Variants in YIPF6 observed in about 807,000 individuals in gnomAD.
YIPF6 encodes the protein Yip1 domain family member 6, also known as protein YIPF6.
YIPF6 carries 3 observed loss-of-function variants against 16.8 expected under a neutral mutation model. The ratio of observed to expected loss-of-function variants is 0.18; its 90% CI spans 0.08 to 0.46. The LOEUF (loss-of-function observed/expected upper bound fraction) is 0.46, where lower values mean the gene tolerates loss of function less well. Ranked by LOEUF, YIPF6 falls within the 20% of genes least tolerant of loss-of-function variation. YIPF6 has a pLI of 0.98. For missense variants in YIPF6, 145 were observed against 184.9 expected (o/e 0.78, Z 1.25); for synonymous variants, 67 against 61.9 (o/e 1.08, Z -0.38).
chrX:68,511,446 A>G (rs1335097236), intron 1 of YIPF6, among the ~76,000 whole-genome samples: 1 of 111,909 alleles, frequency 8.9e-6, no homozygotes, highest in Admixed American at 9.5e-5. Context: ...TGTAATGCTC[A>G]TTTTTAGCCA....
chrX:68,532,010 G>A lies in YIPF6; in HGVS notation c.*11G>A. The A allele has an allele frequency of 1.7e-6, 2 of 1,143,033 alleles. No homozygotes were observed. The highest frequency in any genetic ancestry group is 2.4e-6 in the Non-Finnish European group (2 of 837,557). The allele number at this position is 1,143,033 out of a possible 1,213,427, so 94.2% of individuals were successfully genotyped here. A position where few individuals can be genotyped will look rare whatever the true frequency, so the allele number is the denominator to read the frequency against. ...TTTACTCCTCAGTAAATCAGGAATG[G>A]GAAATTAAAAACCAGTGAATTGAAA... On this transcript the variant is annotated 3_prime_UTR_variant, in exon 7 of 7. Transcript: ENST00000462683.
chrX:68,518,433 G>T (rs2079112765), intron 3 of YIPF6, among the ~76,000 whole-genome samples: 1 of 111,688 alleles, frequency 9.0e-6, no homozygotes, highest in Non-Finnish European at 1.9e-5. Context: ...AAGTGCCTTG[G>T]CTATAGTCTT....
At position 68,522,743 on chromosome X, in the gene YIPF6, T is replaced by G; in HGVS notation, c.435-17T>G. ...CAGTTGTATTTATGATCTTTATTAA[T>G]GTATTTTGTTTTTAAGATCTTTTTT... On this transcript the variant is annotated splice_polypyrimidine_tract_variant and intron_variant, in intron 5 of 6. Transcript: ENST00000462683. 1.7e-6 allele frequency: 2 copies of G among 1,186,042 alleles called. No homozygotes were observed. Among genetic ancestry groups the G allele is most frequent in the Non-Finnish European group, 2.3e-6 (2 of 882,615 alleles).
At chrX:68,507,615 T>G in intron 1 of YIPF6, among the ~76,000 whole-genome samples, 1 of 109,068 alleles carries the variant, frequency 9.2e-6, no homozygotes. Flanking sequence ...ATTTTTTTTT[T>G]TTTTTGAGAT....
chrX:68,505,718 T>C (rs1370956664), intron 1 of YIPF6, among the ~76,000 whole-genome samples: 3 of 112,270 alleles, frequency 2.7e-5, no homozygotes, highest in African/African-American at 9.7e-5. Flanking sequence ...GAACCTCATA[T>C]ACCTATCAAC....
intron 1 of YIPF6, among the ~76,000 whole-genome samples, chrX:68,503,178 T>A (rs1467808376): frequency 1.8e-5 from 2 of 112,142 alleles, no homozygotes; most frequent in East Asian, 5.6e-4. Context: ...CTCTTTGAGC[T>A]GATTCCTGCT....
Position 68,522,794 on chromosome X carries a change from T to C in YIPF6, c.469T>C (p.Cys157Arg). ...FFQSLCVLGY[C>R]ILPLTVAMLI... Reference sequence around the variant, plus strand: ...TCAGAGCCTCTGTGTGCTGGGTTACTGTATACTTCCCTTGACAGTAGCAAT... The same window carrying C: ...TCAGAGCCTCTGTGTGCTGGGTTACCGTATACTTCCCTTGACAGTAGCAAT... The change falls in exon 6 of 7, where the codon TGT becomes CGT. Residue 157 changes from cysteine to arginine, a missense_variant. Cys to Arg is a radical substitution (Grantham distance 180). Coordinates refer to ENST00000462683, the MANE Select transcript of YIPF6 (RefSeq NM_173834.4). 1.7e-6 allele frequency: 2 copies of C among 1,210,084 alleles called. No homozygotes were observed. Among genetic ancestry groups the C allele is most frequent in the Non-Finnish European group, 1.1e-6 (1 of 895,033 alleles).
chrX:68,506,241 C>CA (rs780227894), intron 1 of YIPF6, among the ~76,000 whole-genome samples: 28 of 99,295 alleles, frequency 2.8e-4, no homozygotes, highest in East Asian at 6.2e-4. Flanking sequence ...GACTCCATTT[C>CA]AAAAAAAAAA....
intron 3 of YIPF6, among the ~76,000 whole-genome samples, chrX:68,516,323 A>G (rs2079102537): frequency 9.0e-6 from 1 of 111,475 alleles, no homozygotes; most frequent in African/African-American, 3.3e-5. Context: ...TAATTGTTCT[A>G]TATTTTTATA....
At chrX:68,511,811 T>C (rs1030444496) in intron 1 of YIPF6, 38 bp from the exon 2 acceptor site, 2 of 1,176,270 alleles carry the variant, frequency 1.7e-6, no homozygotes, top group African/African-American at 3.6e-5. Flanking sequence ...TGCTACAGTT[T>C]ATTACAGGCT....
intron 1 of YIPF6, 25 bp from the exon 2 acceptor site, chrX:68,511,824 C>G: frequency 8.4e-7 from 1 of 1,187,458 alleles, no homozygotes. Context: ...TACAGGCTTA[C>G]TTTTTTTCCC....
chrX:68,526,029 A>G (rs779525991), intron 6 of YIPF6, among the ~76,000 whole-genome samples: 1 of 111,961 alleles, frequency 8.9e-6, no homozygotes, highest in African/African-American at 3.2e-5. Flanking sequence ...AAGAAAGTCA[A>G]TGGTAGCTTG....
intron 4 of YIPF6, among the ~76,000 whole-genome samples, chrX:68,519,869 G>GA (rs1451986932): frequency 8.9e-6 from 1 of 112,013 alleles, no homozygotes; most frequent in Non-Finnish European, 1.9e-5. Context: ...TGCCTTGATG[G>GA]AGGGGTTTAT....
At chrX:68,509,772 T>C (rs1167355502) in intron 1 of YIPF6, among the ~76,000 whole-genome samples, 1 of 111,238 alleles carries the variant, frequency 9.0e-6, no homozygotes, top group Non-Finnish European at 1.9e-5. Context: ...CCAGCTTCAG[T>C]GAGTTGTCAC....
intron 1 of YIPF6, among the ~76,000 whole-genome samples, chrX:68,500,459 G>T (rs1259145325): frequency 9.0e-6 from 1 of 110,759 alleles, no homozygotes; most frequent in African/African-American, 3.3e-5. Context: ...GGGATTACAG[G>T]CGCCTGCCAC....
chrX:68,519,453 A>G, intron 4 of YIPF6, among the ~76,000 whole-genome samples: 1 of 111,471 alleles, frequency 9.0e-6, no homozygotes, highest in East Asian at 2.8e-4. Flanking sequence ...ACTTTAAAAT[A>G]CTTTCTCTTA....
intron 3 of YIPF6, among the ~76,000 whole-genome samples, chrX:68,515,838 T>G (rs1425508927): frequency 9.0e-6 from 1 of 111,552 alleles, no homozygotes; most frequent in Admixed American, 9.6e-5. Context: ...TTTTAAATTT[T>G]TTTGTCTGGG....
chrX:68,529,227 T>C lies in YIPF6; in HGVS notation c.593-2654T>C, dbSNP rs184130367. The stretch of plus-strand genomic sequence containing the variant: ...GTCTTCCTACTTTATTTCATTAAGT[T>C]GATCTTCAATCTCTGATATCTTTTC... On this transcript the variant is annotated intron_variant, in intron 6 of 6. Coordinates refer to ENST00000462683, the MANE Select transcript of YIPF6 (RefSeq NM_173834.4). Among the ~76,000 whole-genome samples the C allele has an allele frequency of 6.4e-5, 7 of 110,004 alleles. No individual in the cohort carries two copies. In the East Asian group the frequency reaches 1.7e-3, roughly 27 times the overall value.
At chrX:68,510,476 G>C (rs1001180549) in intron 1 of YIPF6, among the ~76,000 whole-genome samples, 7 of 109,038 alleles carry the variant, frequency 6.4e-5, no homozygotes, top group African/African-American at 2.3e-4. Context: ...TCCTCTATAA[G>C]AAACCTTTAA....
Sources: allele counts gnomAD v4.1 joint callset (sites outside exome capture counted in the v4.1 genomes callset), GRCh38; gene constraint gnomAD v4.1.1; transcripts MANE v1.5; gene names NCBI Gene and HGNC (gene_info 2026-07-23, HGNC 2026-07-21).